PTPMT1: variants seen among roughly 807,000 people sequenced by gnomAD.
The protein encoded by PTPMT1 is phosphatidylglycerophosphatase and protein-tyrosine phosphatase 1.
Under a neutral mutation model 17.8 loss-of-function variants are expected in PTPMT1, and 12 were observed. That is an observed-to-expected ratio of 0.67 (90% CI 0.43 to 1.09). The LOEUF (loss-of-function observed/expected upper bound fraction) is 1.09, where lower values mean the gene tolerates loss of function less well. Among genes scored for constraint, PTPMT1 ranks in the 50% least tolerant of loss-of-function variants. PTPMT1 has a pLI of 0.00. For missense variants in PTPMT1, 262 were observed against 266.0 expected, an observed-to-expected ratio of 0.99 and a Z score of 0.10; for synonymous variants, 132 against 116.8, an observed-to-expected ratio of 1.13 and a Z score of -0.84.
rs1455316520 is a variant in PTPMT1 at position 47,572,940 on chromosome 11, A to G, written c.*1311A>G. On this transcript the variant is annotated 3_prime_UTR_variant, in exon 4 of 4. Transcript: ENST00000326674. ...CCCCTCCCCACAGCCTTAGGCCAAC[A>G]CAAACTGCAAATTGGTAAGCAGCAC... is the stretch of plus-strand genomic sequence containing the variant. 13 of 1,613,276 alleles carry G rather than the reference A, an allele frequency of 8.1e-6. No individual in the cohort carries two copies. In the East Asian group the frequency reaches 2.9e-4, roughly 36 times the overall value.
Position 47,571,580 on chromosome 11 carries a change from TTAC to T in PTPMT1, c.559_561del (p.Thr187del). The T allele has an allele frequency of 1.2e-6, 2 of 1,613,898 alleles. No individual in the cohort carries two copies. The highest frequency in any genetic ancestry group is 1.7e-6 in the Non-Finnish European group (2 of 1,180,014). ...GTTCTTAAAGAGTTCCACAAGCAGATTACTGCACGGGCAACAAAGGATGGGACT... is the reference window on the plus strand; with the variant it reads ...GTTCTTAAAGAGTTCCACAAGCAGATTGCACGGGCAACAAAGGATGGGACT... On this transcript the variant is annotated inframe_deletion, in exon 4 of 4. Transcript: ENST00000326674.
intron 2 of PTPMT1, among the ~76,000 whole-genome samples, chr11:47,568,097 T>A (rs2097247336): frequency 6.6e-6 from 1 of 151,942 alleles, no homozygotes; most frequent in African/African-American, 2.4e-5. Context: ...TTTTTTTGTA[T>A]TTTTAGTAGA....
At position 47,565,639 on chromosome 11, in the gene PTPMT1, T is replaced by G. The variant is rs771051062; in HGVS notation, c.17T>G (p.Leu6Arg). 1 of 1,334,442 alleles carries G rather than the reference T, an allele frequency of 7.5e-7. No individual in the cohort carries two copies. 82.7% of individuals were successfully genotyped at this position (1,334,442 alleles called of 1,614,324 possible). MAATA[L>R]LEAGLARVLF... ...CGGGCCGGGATGGCGGCCACCGCGC[T>G]GCTGGAGGCCGGCCTGGCGCGGGTG... is the stretch of plus-strand genomic sequence containing the variant. Residue 6 changes from leucine to arginine, a missense_variant, in exon 1 of 4, where the codon CTG becomes CGG. Leu to Arg is a moderately radical substitution (Grantham distance 102). Coordinates refer to ENST00000326674, the MANE Select transcript of PTPMT1 (RefSeq NM_175732.3).
At chr11:47,571,310 C>G (rs2097249523) in intron 3 of PTPMT1, among the ~76,000 whole-genome samples, 161 bp from the exon 4 acceptor site, 1 of 152,090 alleles carries the variant, frequency 6.6e-6, no homozygotes, top group Admixed American at 6.6e-5. Flanking sequence ...GGTTACAGTA[C>G]TCTCCCATTT....
Position 47,565,766 on chromosome 11 carries a change from C to T in PTPMT1, c.144C>T (p.Gly48=). The T allele has an allele frequency of 6.3e-7, 1 of 1,594,176 alleles. No individual in the cohort carries two copies. The change falls in exon 1 of 4, where the codon GGC becomes GGT. Residue 48 remains glycine, a synonymous_variant. Coordinates refer to ENST00000326674, the MANE Select transcript of PTPMT1 (RefSeq NM_175732.3). ...YHRIDPTVLL[G]ALPLRSLTRQ... Reference sequence around the variant, plus strand: ...GCATCGACCCCACCGTGCTGCTGGGCGCGCTGCCGTTGCGGAGCTTGACGC... The same window carrying T: ...GCATCGACCCCACCGTGCTGCTGGGTGCGCTGCCGTTGCGGAGCTTGACGC...
In PTPMT1 at chr11:47,572,827, G is replaced by A; in HGVS notation, c.*1198G>A. On this transcript the variant is annotated 3_prime_UTR_variant, in exon 4 of 4. Coordinates refer to ENST00000326674, the MANE Select transcript of PTPMT1 (RefSeq NM_175732.3). ...GAAGGGCTGAGGCACTGCCTTTCTAGTATGTGCCAAAAAAAACATAACTCT... is the reference window on the plus strand; with the variant it reads ...GAAGGGCTGAGGCACTGCCTTTCTAATATGTGCCAAAAAAAACATAACTCT... 2 of 1,281,892 alleles carry A rather than the reference G, an allele frequency of 1.6e-6. No individual in the cohort carries two copies. The highest frequency in any genetic ancestry group is 2.2e-6 in the Non-Finnish European group (2 of 929,952). 79.4% of individuals were successfully genotyped at this position (1,281,892 alleles called of 1,614,324 possible). A position where few individuals can be genotyped will look rare whatever the true frequency, so the allele number is the denominator to read the frequency against.
At position 47,571,705 on chromosome 11, in the gene PTPMT1, C is replaced by A; in HGVS notation, c.*76C>A. ...AAAGAGCTTAACAGGACCAACAGGG[C>A]TTAAGCCCAGACTTGACGTAACAGA... On this transcript the variant is annotated 3_prime_UTR_variant, in exon 4 of 4. Coordinates refer to ENST00000326674, the MANE Select transcript of PTPMT1 (RefSeq NM_175732.3). The A allele has an allele frequency of 1.4e-6, 2 of 1,390,830 alleles. No homozygotes were observed. Among genetic ancestry groups the A allele is most frequent in the Non-Finnish European group, 2.0e-6 (2 of 1,004,320 alleles). 86.2% of individuals were successfully genotyped at this position (1,390,830 alleles called of 1,614,324 possible). A position where few individuals can be genotyped will look rare whatever the true frequency, so the allele number is the denominator to read the frequency against.
chr11:47,570,893 C>T (rs1167763325), intron 3 of PTPMT1, among the ~76,000 whole-genome samples: 4 of 152,120 alleles, frequency 2.6e-5, no homozygotes, highest in Non-Finnish European at 4.4e-5. Context: ...AAATTTTGGT[C>T]ATAAGGGCTC....
Position 47,573,430 on chromosome 11 carries a change from C to T in PTPMT1, c.*1801C>T, listed in dbSNP as rs748955906. On this transcript the variant is annotated 3_prime_UTR_variant, in exon 4 of 4. Coordinates refer to ENST00000326674, the MANE Select transcript of PTPMT1 (RefSeq NM_175732.3). The surrounding 1 kb of genome is among the most constrained non-coding windows in gnomAD (Gnocchi z 4.1). Reference sequence around the variant, plus strand: ...GTCTCTGTCCACACATTATCACCTACGCGATAATAAATGACTGCGTTGGAG... The same window carrying T: ...GTCTCTGTCCACACATTATCACCTATGCGATAATAAATGACTGCGTTGGAG... The T allele has an allele frequency of 1.9e-5, 30 of 1,614,084 alleles. No individual in the cohort carries two copies. The highest frequency in any genetic ancestry group is 3.3e-5 in the Admixed American group (2 of 59,998).
chr11:47,570,957 G>A (rs1482218112), intron 3 of PTPMT1, among the ~76,000 whole-genome samples: 2 of 152,182 alleles, frequency 1.3e-5, no homozygotes, highest in Admixed American at 1.3e-4. Flanking sequence ...AATTGAACTA[G>A]CAAGTTAGAA....
At chr11:47,568,697 A>G (rs914464186) in intron 2 of PTPMT1, among the ~76,000 whole-genome samples, 10 of 151,922 alleles carry the variant, frequency 6.6e-5, no homozygotes, top group Admixed American at 2.6e-4. Context: ...AATAAAATAT[A>G]TATATATTTT....
rs146935371 is a variant in PTPMT1, at chr11:47,573,338, T to C, written c.*1709T>C. The C allele has an allele frequency of 4.1e-5, 66 of 1,613,950 alleles. No homozygotes were observed. Among genetic ancestry groups the C allele is most frequent in the Non-Finnish European group, 5.6e-5 (66 of 1,179,878 alleles). The stretch of plus-strand genomic sequence containing the variant: ...AGTCCAGATCATTCTCCTCCCCCCC[T>C]AGTAAGTAGATGATCCCGTTGAGGT... On this transcript the variant is annotated 3_prime_UTR_variant, in exon 4 of 4. Transcript: ENST00000326674. The surrounding 1 kb of genome is among the most constrained non-coding windows in gnomAD (Gnocchi z 4.1).
intron 2 of PTPMT1, among the ~76,000 whole-genome samples, chr11:47,567,538 G>T (rs897060113): frequency 1.3e-5 from 2 of 150,992 alleles, no homozygotes; most frequent in Non-Finnish European, 2.9e-5. Flanking sequence ...AGTTGCCAGA[G>T]ACCTTATTTC....
At chr11:47,568,122 G>A (rs929797120) in intron 2 of PTPMT1, among the ~76,000 whole-genome samples, 6 of 151,342 alleles carry the variant, frequency 4.0e-5, no homozygotes, top group Middle Eastern at 3.2e-3. Context: ...GGGTTTCACC[G>A]TGTTAGCCAG....
chr11:47,567,240 A>G (rs997916534), intron 2 of PTPMT1, among the ~76,000 whole-genome samples: 3 of 151,854 alleles, frequency 2.0e-5, no homozygotes, highest in African/African-American at 7.3e-5. Context: ...CGTCTGTACT[A>G]AAATCACACA....
rs2097252826 is a variant in PTPMT1, at chr11:47,573,251, C to A, written c.*1622C>A. On this transcript the variant is annotated 3_prime_UTR_variant, in exon 4 of 4. Coordinates refer to ENST00000326674, the MANE Select transcript of PTPMT1 (RefSeq NM_175732.3). The surrounding 1 kb of genome is among the most constrained non-coding windows in gnomAD (Gnocchi z 4.1). ...CTGCAAAGGGCAGCACATAGGGCTT[C>A]ACATGGCATTTGTCTGTCTCTGTGT... 6 of 1,614,124 alleles carry A rather than the reference C, an allele frequency of 3.7e-6. No homozygotes were observed. The highest frequency in any genetic ancestry group is 5.1e-6 in the Non-Finnish European group (6 of 1,180,026).
chr11:47,570,566 A>G (rs1421736467), intron 3 of PTPMT1, among the ~76,000 whole-genome samples: 1 of 152,228 alleles, frequency 6.6e-6, no homozygotes, highest in Non-Finnish European at 1.5e-5. Context: ...ATGTCAGGAA[A>G]CAATATCATA....
rs757946246 is a variant in PTPMT1, at chr11:47,565,729, A to G, written c.107A>G (p.Asp36Gly). 2 of 1,588,012 alleles carry G rather than the reference A, an allele frequency of 1.3e-6. No individual in the cohort carries two copies. The highest frequency in any genetic ancestry group is 8.5e-7 in the Non-Finnish European group (1 of 1,169,630). ...AAGGTGCCGGGTCGGGCGCACCGGG[A>G]CTGGTACCACCGCATCGACCCCACC... ...RGKVPGRAHR[D>G]WYHRIDPTVL... Residue 36 changes from aspartate (D) to glycine (G), a missense_variant, in exon 1 of 4, where the codon GAC becomes GGC. Transcript: ENST00000326674.
At chr11:47,566,599 G>C (rs1311705152) in intron 2 of PTPMT1, among the ~76,000 whole-genome samples, 2 of 151,800 alleles carry the variant, frequency 1.3e-5, no homozygotes, top group East Asian at 3.9e-4. Flanking sequence ...AAATTGAAAG[G>C]CAACTTTCCC....
Sources: gnomAD v4.1 joint callset for allele counts (sites outside exome capture counted in the v4.1 genomes callset) on GRCh38, gnomAD v4.1.1 for gene constraint, Gnocchi (gnomAD v3.1) non-coding constraint, MANE v1.5 for transcripts, NCBI Gene and HGNC (gene_info 2026-07-23, HGNC 2026-07-21) for gene names.